TENM2: variants seen among roughly 807,000 people sequenced by gnomAD.
TENM2 encodes teneurin-2.
TENM2 carries 52 observed loss-of-function variants against 245.2 expected under a neutral mutation model. That is an observed-to-expected ratio of 0.21 (90% CI 0.17 to 0.27). The LOEUF (loss-of-function observed/expected upper bound fraction) is 0.27. Among genes scored for constraint, TENM2 ranks in the 10% least tolerant of loss-of-function variants. The probability of loss-of-function intolerance (pLI) is 1.00; values close to 1 mark genes in which losing one functional copy is unlikely to be tolerated. For missense variants in TENM2, 3,046 were observed against 3,666.8 expected (o/e 0.83, Z 4.37); for synonymous variants, 1,363 against 1,438.9 (o/e 0.95, Z 1.19).
intron 7 of TENM2, chr5:168,085,500 T>G (rs1562139591): frequency 6.6e-6 from 1 of 152,188 alleles, no homozygotes; most frequent in African/African-American, 2.4e-5. Flanking sequence ...CGATTGCATT[T>G]AGTTAAGTGA....
chr5:167,372,497 GT>G (rs1312688243), intron 1 of TENM2, among the ~76,000 whole-genome samples: 1 of 152,278 alleles, frequency 6.6e-6, no homozygotes, highest in East Asian at 1.9e-4. Flanking sequence ...AAAGCCTCCT[GT>G]CCTCATACAA....
intron 1 of TENM2, among the ~76,000 whole-genome samples, chr5:167,356,217 A>AATT (rs1759320915): frequency 1.2e-4 from 15 of 129,146 alleles, no homozygotes; most frequent in African/African-American, 4.8e-4. Context: ...AAAAAAAAAA[A>AATT]AAAATTAAAA....
chr5:167,486,167 A>T lies in TENM2; in HGVS notation c.502+110694A>T, dbSNP rs183068833. On this transcript the variant is annotated intron_variant, in intron 2 of 28. Transcript: ENST00000518659. The stretch of plus-strand genomic sequence containing the variant: ...ATAAAAGTAAAGATTTTACTCAAAG[A>T]TTGAATAAACATAAGCATACATAGA... 1.2e-4 allele frequency among the ~76,000 whole-genome samples: 19 copies of T among 152,238 alleles called. No homozygotes were observed. The East Asian group carries it at 3.5e-3, about 28-fold the overall frequency.
At chr5:167,652,693 CT>C (rs1754559088) in intron 2 of TENM2, among the ~76,000 whole-genome samples, 4 of 152,254 alleles carry the variant, frequency 2.6e-5, no homozygotes, top group Admixed American at 2.0e-4. Context: ...TCTCTCTTTC[CT>C]TAATTGCTAT....
intron 20 of TENM2, among the ~76,000 whole-genome samples, chr5:168,214,373 C>G (rs1280788548): frequency 1.3e-5 from 2 of 152,242 alleles, no homozygotes; most frequent in Non-Finnish European, 2.9e-5. Flanking sequence ...TGTGACCTCA[C>G]TGTTACCTAG....
At chr5:168,208,479 G>C (rs1762542886) in intron 19 of TENM2, among the ~76,000 whole-genome samples, 1 of 152,324 alleles carries the variant, frequency 6.6e-6, no homozygotes, top group African/African-American at 2.4e-5. Flanking sequence ...GCCTGGGAAG[G>C]CGGGCAAAGC....
chr5:167,101,834 T>A, the TENM2 span, among the ~76,000 whole-genome samples: 1 of 117,534 alleles, frequency 8.5e-6, no homozygotes, highest in African/African-American at 3.7e-5. Context: ...GCTCTTGACA[T>A]TTATATATAT....
intron 3 of TENM2, among the ~76,000 whole-genome samples, chr5:167,886,776 A>C (rs563788864): frequency 2.6e-5 from 4 of 152,224 alleles, no homozygotes; most frequent in Non-Finnish European, 5.9e-5. Flanking sequence ...CAAAACACTT[A>C]GTACAATGTT....
At chr5:167,320,925 C>A (rs1366410889) in intron 1 of TENM2, among the ~76,000 whole-genome samples, 2 of 142,040 alleles carry the variant, frequency 1.4e-5, no homozygotes, top group African/African-American at 5.2e-5. Context: ...AGAGGAATTT[C>A]TTCCTGTAAA....
the TENM2 span, among the ~76,000 whole-genome samples, chr5:167,156,003 T>C: frequency 6.6e-6 from 1 of 152,238 alleles, no homozygotes; most frequent in Admixed American, 6.5e-5. Flanking sequence ...TTTAATTTTA[T>C]GACTTTCAGA....
chr5:167,309,280 G>A (rs566395509), intron 1 of TENM2, among the ~76,000 whole-genome samples: 1 of 152,116 alleles, frequency 6.6e-6, no homozygotes, highest in Non-Finnish European at 1.5e-5. Context: ...CTGCAACGTG[G>A]TCCCTGATTT....
the TENM2 span, among the ~76,000 whole-genome samples, chr5:167,001,734 A>C: frequency 6.6e-6 from 1 of 152,140 alleles, no homozygotes; most frequent in African/African-American, 2.4e-5. Context: ...AATCAAAAGA[A>C]ATACTATTGT....
intron 2 of TENM2, among the ~76,000 whole-genome samples, chr5:167,841,671 A>G (rs1769530022): frequency 6.6e-6 from 1 of 152,194 alleles, no homozygotes; most frequent in African/African-American, 2.4e-5. Context: ...TTTAGCGCTG[A>G]TATCCTATAT....
At chr5:167,757,795 G>C (rs564521195) in intron 2 of TENM2, among the ~76,000 whole-genome samples, 181 of 152,308 alleles carry the variant, frequency 1.2e-3, no homozygotes, top group Non-Finnish European at 2.4e-3. Context: ...TAAGTGGCAT[G>C]AGATGGTATC....
chr5:167,586,281 G>A (rs1325801849), intron 2 of TENM2, among the ~76,000 whole-genome samples: 5 of 152,118 alleles, frequency 3.3e-5, no homozygotes, highest in African/African-American at 4.8e-5. Context: ...TAGGTTATAC[G>A]CAAATACTGC....
the TENM2 span, among the ~76,000 whole-genome samples, chr5:167,020,881 C>T: frequency 1.3e-5 from 2 of 152,246 alleles, no homozygotes; most frequent in Non-Finnish European, 2.9e-5. Flanking sequence ...TGGCCGATCA[C>T]TCCTGTAATA....
intron 3 of TENM2, among the ~76,000 whole-genome samples, chr5:167,931,502 G>A (rs1341429812): frequency 6.8e-6 from 1 of 147,666 alleles, no homozygotes; most frequent in Non-Finnish European, 1.5e-5. Flanking sequence ...TTGCTGAAAT[G>A]TGCAGATAAT....
chr5:168,153,219 A>G (rs753230865), intron 12 of TENM2, among the ~76,000 whole-genome samples: 1 of 151,040 alleles, frequency 6.6e-6, no homozygotes, highest in Non-Finnish European at 1.5e-5. Context: ...TGGGTAGCTT[A>G]AAAAAAAAGG....
intron 2 of TENM2, among the ~76,000 whole-genome samples, chr5:167,494,621 T>C (rs1014973773): frequency 2.0e-5 from 3 of 152,108 alleles, no homozygotes; most frequent in African/African-American, 7.2e-5. Flanking sequence ...CAATCAAGTA[T>C]GAAACAAACA....
Sources: allele counts gnomAD v4.1 joint callset (sites outside exome capture counted in the v4.1 genomes callset), GRCh38; gene constraint gnomAD v4.1.1; transcripts MANE v1.5; gene names NCBI Gene and HGNC (gene_info 2026-07-23, HGNC 2026-07-21).